The following ANKDD1A variants were observed in gnomAD, a reference collection of about 807,000 sequenced individuals.
ANKDD1A encodes ankyrin repeat and death domain-containing protein 1A.
In ANKDD1A, 59 loss-of-function variants were observed where a neutral mutation model predicts 63.5. The ratio of observed to expected loss-of-function variants is 0.93; its 90% CI spans 0.75 to 1.15. The LOEUF (loss-of-function observed/expected upper bound fraction) is 1.15, where lower values mean the gene tolerates loss of function less well. Ranked by LOEUF, ANKDD1A falls within the 50% of genes most tolerant of loss-of-function variation. The pLI is 0.00. For missense variants in ANKDD1A, 632 were observed against 656.4 expected, an observed-to-expected ratio of 0.96 and a Z score of 0.41; for synonymous variants, 266 against 263.9, an observed-to-expected ratio of 1.01 and a Z score of -0.08.
At chr15:64,954,917 CTCTCCTTCT>C (rs201681426) in intron 14 of ANKDD1A, among the ~76,000 whole-genome samples, 2,180 of 42,286 alleles carry the variant, frequency 0.052, 53 homozygotes, top group African/African-American at 0.079. Context: ...TGTCTCTTCT[CTCTCCTTCT>C]TCTCCTTCTT....
At chr15:64,914,154 A>G (rs2084953075) in intron 1 of ANKDD1A, 1 of 151,848 alleles carries the variant, frequency 6.6e-6, no homozygotes, top group Non-Finnish European at 1.5e-5. Flanking sequence ...TGCCCAATTA[A>G]TTTTTGTATC....
intron 14 of ANKDD1A, among the ~76,000 whole-genome samples, chr15:64,953,521 CTTCCTT>C (rs1355211789): frequency 2.0e-5 from 1 of 50,334 alleles, no homozygotes; most frequent in Non-Finnish European, 4.8e-5. Context: ...CCTTCTCCTT[CTTCCTT>C]CTTCTCCTCT....
intron 10 of ANKDD1A, 32 bp downstream of exon 10, chr15:64,942,597 G>A: frequency 6.3e-7 from 1 of 1,580,968 alleles, no homozygotes; most frequent in Non-Finnish European, 8.6e-7. Flanking sequence ...CCGGGCCCCA[G>A]GGAGCTTCTG....
chr15:64,953,089 TCTTA>T (rs1283879671), intron 14 of ANKDD1A, among the ~76,000 whole-genome samples: 1 of 149,764 alleles, frequency 6.7e-6, no homozygotes, highest in Middle Eastern at 3.2e-3. Context: ...TCTTCTTCCT[TCTTA>T]TACTTTCTTT....
chr15:64,956,910 TTATGATA>T (rs1373995425), intron 14 of ANKDD1A, among the ~76,000 whole-genome samples, 186 bp from the exon 15 acceptor site: 1 of 152,206 alleles, frequency 6.6e-6, no homozygotes, highest in Admixed American at 6.5e-5. Flanking sequence ...ATCTATTACG[TTATGATA>T]TATGATAGGG....
chr15:64,944,599 T>G, intron 11 of ANKDD1A, 53 bp from the exon 12 acceptor site: 3 of 1,545,762 alleles, frequency 1.9e-6, no homozygotes, highest in Non-Finnish European at 1.8e-6. Flanking sequence ...TAGAAACCCT[T>G]GTGTACCCCT....
At chr15:64,927,043 A>ACTTGC (rs1260766908) in intron 6 of ANKDD1A, 44 bp downstream of exon 6, 1 of 1,604,012 alleles carries the variant, frequency 6.2e-7, no homozygotes. Context: ...AGGGTGCAAA[A>ACTTGC]CTTGCCACCT....
intron 14 of ANKDD1A, among the ~76,000 whole-genome samples, chr15:64,954,588 TTCCTTCTTC>T (rs141939170): frequency 0.025 from 3,677 of 145,956 alleles, 86 homozygotes; most frequent in African/African-American, 0.066. Context: ...TTCCTTATTC[TTCCTTCTTC>T]TCCTTCTTCC....
chr15:64,956,421 C>T (rs950895309), intron 14 of ANKDD1A, among the ~76,000 whole-genome samples: 1 of 151,962 alleles, frequency 6.6e-6, no homozygotes, highest in African/African-American at 2.4e-5. Context: ...TGGTGGCGGG[C>T]ACCTGTAGTC....
intron 6 of ANKDD1A, 23 bp downstream of exon 6, chr15:64,927,022 G>A (rs374429278): frequency 1.3e-4 from 211 of 1,613,452 alleles, no homozygotes; most frequent in Non-Finnish European, 1.6e-4. Flanking sequence ...TGAGGCTCTG[G>A]GATCCTGACC....
intron 14 of ANKDD1A, among the ~76,000 whole-genome samples, chr15:64,952,193 CTTCTTCTTCTTTCCTCT>C (rs1405750316): frequency 7.0e-6 from 1 of 142,942 alleles, no homozygotes; most frequent in Non-Finnish European, 1.5e-5. Flanking sequence ...TCTACTTTTT[CTTCTTCTTCTTTCCTCT>C]TTCTTCTTCT....
intron 12 of ANKDD1A, 152 bp downstream of exon 12, chr15:64,944,899 T>C (rs560847019): frequency 3.8e-5 from 28 of 734,384 alleles, no homozygotes; most frequent in East Asian, 2.7e-4. Context: ...ACCACAGTTG[T>C]TTGTGAGGAT....
intron 10 of ANKDD1A, 56 bp downstream of exon 10, chr15:64,942,621 G>C (rs2085193888): frequency 6.9e-7 from 1 of 1,458,306 alleles, no homozygotes; most frequent in Non-Finnish European, 9.4e-7. Context: ...ACCCTCCCAG[G>C]CTGGCAGGCT....
intron 14 of ANKDD1A, among the ~76,000 whole-genome samples, chr15:64,955,585 ATATC>A (rs1244143440): frequency 6.6e-6 from 1 of 152,130 alleles, no homozygotes; most frequent in African/African-American, 2.4e-5. Context: ...TGTGGAAAAT[ATATC>A]TGTGCAGGAT....
intron 14 of ANKDD1A, chr15:64,951,165 G>A: frequency 9.2e-7 from 1 of 1,091,128 alleles, no homozygotes; most frequent in Non-Finnish European, 1.1e-6. Context: ...CAGAGCCCAG[G>A]AGGCAAATGT....
chr15:64,952,953 T>TCC (rs2085326377), intron 14 of ANKDD1A, among the ~76,000 whole-genome samples: 1 of 19,828 alleles, frequency 5.0e-5, no homozygotes, highest in Non-Finnish European at 3.4e-4. Flanking sequence ...TTCCTTCTCT[T>TCC]TCTTCCTCTT....
intron 12 of ANKDD1A, among the ~76,000 whole-genome samples, chr15:64,946,939 T>C (rs2085227766): frequency 6.6e-6 from 1 of 152,214 alleles, no homozygotes; most frequent in Non-Finnish European, 1.5e-5. Context: ...CATTGCCTGC[T>C]TTGCTAGAAA....
Position 64,930,818 on chromosome 15 carries a change from G to A in ANKDD1A, c.571-4G>A. ...TGGCCTCTCAGGAGCCCTTTTTCCT[G>A]CAGGAGGGGAACACTGCCCTTCATC... On this transcript the variant is annotated splice_region_variant and splice_polypyrimidine_tract_variant and intron_variant, in intron 6 of 14. Coordinates refer to ENST00000319580, the MANE Select transcript of ANKDD1A (RefSeq NM_182703.6). 6.2e-7 allele frequency: 1 copy of A among 1,610,878 alleles called. No homozygotes were observed. The highest frequency in any genetic ancestry group is 8.5e-7 in the Non-Finnish European group (1 of 1,179,424).
chr15:64,953,149 T>C (rs1222351988), intron 14 of ANKDD1A, among the ~76,000 whole-genome samples: 5 of 25,352 alleles, frequency 2.0e-4, no homozygotes, highest in African/African-American at 3.0e-4. Context: ...TCTTCCTTTT[T>C]CTCCTTTCTT....
Sources: gnomAD v4.1 joint callset for allele counts (sites outside exome capture counted in the v4.1 genomes callset) on GRCh38, gnomAD v4.1.1 for gene constraint, MANE v1.5 for transcripts, NCBI Gene and HGNC (gene_info 2026-07-23, HGNC 2026-07-21) for gene names.